ZFHX3: variants seen among roughly 807,000 people sequenced by gnomAD.
ZFHX3 encodes the protein zinc finger homeobox protein 3.
A neutral mutation model predicts 279.1 loss-of-function variants in ZFHX3; 42 were observed. The observed-to-expected ratio is 0.15, with a 90% CI of 0.12 to 0.19. The LOEUF is 0.19. ZFHX3 is among the 10% of genes least tolerant of loss of function. The probability of loss-of-function intolerance (pLI) is 1.00; values close to 1 mark genes in which losing one functional copy is unlikely to be tolerated. For synonymous variants in ZFHX3, 2,293 were observed against 1,957.8 expected (o/e 1.17, Z -4.52); for missense variants, 4,981 against 4,754.0 (o/e 1.05, Z -1.40).
intron 2 of ZFHX3, among the ~76,000 whole-genome samples, chr16:73,537,569 G>T (rs144185672): frequency 0.011 from 1,709 of 152,232 alleles, 34 homozygotes; most frequent in African/African-American, 0.039. Context: ...ACCCGCCTCG[G>T]CCTCCCAAAG....
At chr16:72,886,927 T>C (rs1211471688) in intron 4 of ZFHX3, among the ~76,000 whole-genome samples, 1 of 152,166 alleles carries the variant, frequency 6.6e-6, no homozygotes, top group East Asian at 1.9e-4. Context: ...GCTCCACCAA[T>C]TAAGGTGTTT....
intron 2 of ZFHX3, among the ~76,000 whole-genome samples, chr16:73,567,785 A>G (rs1376577249): frequency 6.6e-6 from 1 of 152,214 alleles, no homozygotes; most frequent in Non-Finnish European, 1.5e-5. Context: ...AACAGGCAAC[A>G]ATATTGTATA....
intron 3 of ZFHX3, among the ~76,000 whole-genome samples, chr16:72,934,130 TAA>T (rs1387127631): frequency 6.6e-6 from 1 of 152,166 alleles, no homozygotes; most frequent in Non-Finnish European, 1.5e-5. Context: ...AGCTTTCTTT[TAA>T]AAGTTAGAGT....
intron 5 of ZFHX3, among the ~76,000 whole-genome samples, chr16:72,817,590 G>A (rs577057915): frequency 5.2e-4 from 79 of 152,270 alleles, no homozygotes; most frequent in Non-Finnish European, 8.5e-4. Context: ...GTGCGCTGTT[G>A]GCATGGCTGC....
intron 2 of ZFHX3, among the ~76,000 whole-genome samples, chr16:73,512,496 A>G (rs1431233480): frequency 2.4e-5 from 3 of 126,648 alleles, no homozygotes; most frequent in Admixed American, 8.1e-5. Context: ...TCTTCTGTGG[A>G]AAAAAAAAAA....
intron 1 of ZFHX3, among the ~76,000 whole-genome samples, chr16:72,976,353 T>C (rs1387947860): frequency 1.3e-5 from 2 of 152,192 alleles, no homozygotes; most frequent in African/African-American, 2.4e-5. Flanking sequence ...ATGGGGCCAA[T>C]TTCTTTGACT....
chr16:73,482,239 A>G (rs1242101505), intron 2 of ZFHX3, among the ~76,000 whole-genome samples: 1 of 152,046 alleles, frequency 6.6e-6, no homozygotes, highest in African/African-American at 2.4e-5. Flanking sequence ...ATCCTTTGGC[A>G]CCCCAGTCCC....
At chr16:72,897,491 G>C (rs887712297) in intron 3 of ZFHX3, among the ~76,000 whole-genome samples, 1 of 152,096 alleles carries the variant, frequency 6.6e-6, no homozygotes, top group Admixed American at 6.5e-5. Context: ...CCAGGATGGA[G>C]TGCAGTGGTG....
At chr16:73,837,859 C>G (rs1961185886) in intron 1 of ZFHX3, among the ~76,000 whole-genome samples, 1 of 152,186 alleles carries the variant, frequency 6.6e-6, no homozygotes. Flanking sequence ...CGGTCTTGAA[C>G]TCCCAACCTC....
chr16:73,219,893 C>G (rs960709796), intron 5 of ZFHX3, among the ~76,000 whole-genome samples: 2 of 152,132 alleles, frequency 1.3e-5, no homozygotes, highest in African/African-American at 4.8e-5. Context: ...GGAGACCAGC[C>G]TGGCCAACAC....
intron 5 of ZFHX3, among the ~76,000 whole-genome samples, chr16:73,198,026 C>A (rs560463235): frequency 3.3e-4 from 48 of 143,402 alleles, no homozygotes; most frequent in Admixed American, 3.1e-3. Flanking sequence ...CAACCTCTGC[C>A]TCCCAGGTTC....
At chr16:72,812,059 T>C (rs373398099) in intron 5 of ZFHX3, 21 bp from the exon 6 acceptor site, 63 of 1,612,904 alleles carry the variant, frequency 3.9e-5, no homozygotes, top group Non-Finnish European at 4.8e-5. Flanking sequence ...AAGTAGAAGA[T>C]GCAATACAGC....
At chr16:73,277,378 A>G (rs2014327395) in intron 4 of ZFHX3, among the ~76,000 whole-genome samples, 1 of 152,238 alleles carries the variant, frequency 6.6e-6, no homozygotes, top group Admixed American at 6.5e-5. Context: ...CCAGAGGCCC[A>G]GAGCAGGGCC....
intron 5 of ZFHX3, among the ~76,000 whole-genome samples, chr16:73,195,581 G>A (rs1025767795): frequency 5.3e-5 from 8 of 151,998 alleles, no homozygotes; most frequent in Admixed American, 2.0e-4. Flanking sequence ...ACCACACCCA[G>A]CTAGTTTTTG....
At chr16:73,225,230 A>T (rs1434991920) in intron 5 of ZFHX3, among the ~76,000 whole-genome samples, 6 of 152,176 alleles carry the variant, frequency 3.9e-5, no homozygotes, top group Non-Finnish European at 5.9e-5. Context: ...TTTGGGACAA[A>T]TACGGAAAAT....
rs1966329219 is a variant in ZFHX3, at chr16:73,108,310, G to C, written c.-896-14712C>G. 5.4e-5 allele frequency among the ~76,000 whole-genome samples: 8 copies of C among 148,810 alleles called. No individual in the cohort carries two copies. The South Asian group carries it at 1.7e-3, about 32-fold the overall frequency. ...GATCATGCCACTGCACTTCAGCTTG[G>C]GTGACAGAGCAAGACCTTACCTTAA... is the stretch of plus-strand genomic sequence containing the variant. On this transcript the variant is annotated intron_variant, in intron 7 of 17. Coordinates refer to the ZFHX3 transcript ENST00000641206.
intron 1 of ZFHX3, among the ~76,000 whole-genome samples, chr16:73,793,068 C>T (rs950121011): frequency 1.3e-5 from 2 of 152,182 alleles, no homozygotes; most frequent in African/African-American, 4.8e-5. Flanking sequence ...GACAGGGGGA[C>T]TTCAGCTTAT....
At chr16:73,266,918 C>T (rs111464683) in intron 4 of ZFHX3, among the ~76,000 whole-genome samples, 1,956 of 152,236 alleles carry the variant, frequency 0.013, 48 homozygotes, top group African/African-American at 0.044. Flanking sequence ...TCCAGTTTTG[C>T]GTATGTCTTT....
At chr16:73,822,083 T>C (rs1960760503) in intron 1 of ZFHX3, among the ~76,000 whole-genome samples, 1 of 152,234 alleles carries the variant, frequency 6.6e-6, no homozygotes, top group South Asian at 2.1e-4. Flanking sequence ...TAGAAAGACA[T>C]CTCCCCTGGC....
Sources: gnomAD v4.1 joint callset for allele counts (sites outside exome capture counted in the v4.1 genomes callset) on GRCh38, gnomAD v4.1.1 for gene constraint, MANE v1.5 for transcripts, NCBI Gene and HGNC (gene_info 2026-07-23, HGNC 2026-07-21) for gene names.